INSIG2: variants seen among roughly 807,000 people sequenced by gnomAD.
INSIG2 encodes the protein insulin-induced gene 2 protein.
INSIG2 carries 10 observed loss-of-function variants against 27.2 expected under a neutral mutation model. The ratio of observed to expected loss-of-function variants is 0.37; its 90% confidence interval spans 0.23 to 0.62. INSIG2 has a LOEUF of 0.62. INSIG2 is among the 20% of genes least tolerant of loss of function. The pLI is 0.65. For missense variants in INSIG2, 178 were observed against 270.2 expected (o/e 0.66, Z 2.39); for synonymous variants, 97 against 95.8 (o/e 1.01, Z -0.07).
At chr2:118,107,286 C>T (rs1678697538) in intron 5 of INSIG2, 97 bp downstream of exon 5, 2 of 757,482 alleles carry the variant, frequency 2.6e-6, no homozygotes, top group Non-Finnish European at 4.5e-6. Flanking sequence ...GTGAAGACAA[C>T]ATTCTTTGAT....
At chr2:118,102,637 T>C (rs891470931) in intron 2 of INSIG2, 6 of 153,036 alleles carry the variant, frequency 3.9e-5, no homozygotes, top group Non-Finnish European at 7.3e-5. Context: ...TGCTACATGC[T>C]GAAGACTAAA....
At chr2:118,101,179 A>G (rs1338906286) in intron 2 of INSIG2, among the ~76,000 whole-genome samples, 2 of 152,182 alleles carry the variant, frequency 1.3e-5, no homozygotes, top group Admixed American at 6.5e-5. Context: ...ATATATTGCT[A>G]TCAGACTCTG....
In INSIG2 at chr2:118,110,276, A is replaced by T. The variant is rs751990299; in HGVS notation, c.*1954A>T. The T allele has an allele frequency of 2.6e-5, 4 of 152,232 alleles. No individual in the cohort carries two copies. Among genetic ancestry groups the T allele is most frequent in the Admixed American group, 2.0e-4 (3 of 15,276 alleles). The allele number at this position is 152,232 out of a possible 1,614,324, so 9.4% of individuals were successfully genotyped here. On this transcript the variant is annotated 3_prime_UTR_variant, in exon 6 of 6. Transcript: ENST00000245787. ...CTTGATGGGAAGCCTTACCAATAAG[A>T]AACAGTTGATGAACACATATTGTGT...
At chr2:118,104,875 A>G (rs1381457788) in intron 3 of INSIG2, among the ~76,000 whole-genome samples, 1 of 152,118 alleles carries the variant, frequency 6.6e-6, no homozygotes, top group Non-Finnish European at 1.5e-5. Context: ...CTAAAAACTT[A>G]ATAAGTTCAA....
At chr2:118,088,928 G>A (rs1162601905) in intron 1 of INSIG2, among the ~76,000 whole-genome samples, 1 of 152,212 alleles carries the variant, frequency 6.6e-6, no homozygotes, top group Non-Finnish European at 1.5e-5. Flanking sequence ...TAGCCTGGGA[G>A]AGAAGACTCA....
intron 2 of INSIG2, among the ~76,000 whole-genome samples, chr2:118,099,050 A>G (rs1423296586): frequency 6.6e-6 from 1 of 152,240 alleles, no homozygotes; most frequent in South Asian, 2.1e-4. Flanking sequence ...GGATTCTCTC[A>G]AAATCTCTGC....
intron 2 of INSIG2, among the ~76,000 whole-genome samples, chr2:118,100,370 T>G (rs1407037369): frequency 7.4e-6 from 1 of 135,716 alleles, no homozygotes; most frequent in Non-Finnish European, 1.6e-5. Flanking sequence ...CTTACTCTTT[T>G]GCCTTTTTTT....
Position 118,107,138 on chromosome 2 carries a change from A to AT in INSIG2, c.591dup (p.Ala198CysfsTer19). On this transcript the variant is annotated frameshift_variant, in exon 5 of 6. Transcript: ENST00000245787. LOFTEE classifies it high-confidence loss of function. ...ATGTTCGTTCTTGGTTACCATGTAT[A>AT]TTTTTTGCTGGAGGCATAACAATGG... The AT allele has an allele frequency of 6.2e-7, 1 of 1,613,628 alleles. No homozygotes were observed. The highest frequency in any genetic ancestry group is 8.5e-7 in the Non-Finnish European group (1 of 1,179,618).
At chr2:118,108,141 A>C in intron 5 of INSIG2, 140 bp from the exon 6 acceptor site, 1 of 567,118 alleles carries the variant, frequency 1.8e-6, no homozygotes, top group Non-Finnish European at 3.1e-6. Context: ...CATAGTAATT[A>C]TGTAACTCTT....
At chr2:118,100,409 C>T (rs1446284718) in intron 2 of INSIG2, among the ~76,000 whole-genome samples, 3 of 112,212 alleles carry the variant, frequency 2.7e-5, no homozygotes, top group Admixed American at 1.2e-4. Context: ...GACGGAGTCT[C>T]ACTCCGTCAC....
intron 2 of INSIG2, among the ~76,000 whole-genome samples, chr2:118,101,770 T>A (rs556825764): frequency 6.6e-6 from 1 of 152,356 alleles, no homozygotes; most frequent in East Asian, 1.9e-4. Flanking sequence ...AGTGTGAAAC[T>A]TCTAGATTTA....
chr2:118,094,283 G>T (rs1211390603), intron 1 of INSIG2, among the ~76,000 whole-genome samples: 1 of 146,332 alleles, frequency 6.8e-6, no homozygotes, highest in African/African-American at 2.6e-5. Flanking sequence ...GAGTTCTGTA[G>T]CTACTGAACC....
intron 2 of INSIG2, among the ~76,000 whole-genome samples, chr2:118,101,878 T>C (rs1038267425): frequency 1.3e-5 from 2 of 152,170 alleles, no homozygotes; most frequent in African/African-American, 4.8e-5. Flanking sequence ...CTCAAAAGAG[T>C]TGTGGACTAG....
At chr2:118,100,129 A>G (rs1678504785) in intron 2 of INSIG2, among the ~76,000 whole-genome samples, 1 of 151,918 alleles carries the variant, frequency 6.6e-6, no homozygotes, top group South Asian at 2.1e-4. Flanking sequence ...GTTTTCCATG[A>G]ATGTCCTCAG....
chr2:118,103,080 G>GT (rs761963504), intron 2 of INSIG2, 117 bp from the exon 3 acceptor site: 89,507 of 609,582 alleles, frequency 0.15, 27 homozygotes, highest in East Asian at 0.17. Context: ...TTTTTTTTTT[G>GT]TTTTTTTTTT....
rs34116355 is a variant in INSIG2, at chr2:118,094,367, AGAT to A, written c.-138-2032_-138-2030del. 1.6e-4 allele frequency among the ~76,000 whole-genome samples: 19 copies of A among 118,152 alleles called. 2 individuals are homozygous for A. Among genetic ancestry groups the A allele is most frequent in the African/African-American group, 5.7e-4 (15 of 26,484 alleles). 77.5% of individuals were successfully genotyped at this position (118,152 alleles called of 152,430 possible). A position where few individuals can be genotyped will look rare whatever the true frequency, so the allele number is the denominator to read the frequency against. On this transcript the variant is annotated intron_variant, in intron 1 of 5. Coordinates refer to ENST00000245787, the MANE Select transcript of INSIG2 (RefSeq NM_016133.4). Reference sequence around the variant, plus strand: ...CTACTGAACCTTGCCAAAAGCAACCAGATGATGATGATGATGATGATGGAGAGT... The same window carrying A: ...CTACTGAACCTTGCCAAAAGCAACCAGATGATGATGATGATGATGGAGAGT...
chr2:118,101,673 T>C (rs1558835822), intron 2 of INSIG2, among the ~76,000 whole-genome samples: 3 of 152,250 alleles, frequency 2.0e-5, no homozygotes, highest in African/African-American at 7.2e-5. Context: ...TTAGGGATGC[T>C]TGTTGCCATT....
At chr2:118,088,975 G>A (rs1469115905) in intron 1 of INSIG2, among the ~76,000 whole-genome samples, 2 of 152,200 alleles carry the variant, frequency 1.3e-5, no homozygotes, top group Non-Finnish European at 2.9e-5. Flanking sequence ...AAGACAGGTT[G>A]TCGTAGTAAG....
intron 1 of INSIG2, among the ~76,000 whole-genome samples, chr2:118,093,748 G>C (rs1678326208): frequency 7.0e-6 from 1 of 142,650 alleles, no homozygotes; most frequent in Non-Finnish European, 1.5e-5. Context: ...TGATGAAGGA[G>C]AGTTCTGTAG....
Sources: allele counts gnomAD v4.1 joint callset (sites outside exome capture counted in the v4.1 genomes callset), GRCh38; gene constraint gnomAD v4.1.1; transcripts MANE v1.5; gene names NCBI Gene and HGNC (gene_info 2026-07-23, HGNC 2026-07-21).